The following PRKG1 variants were observed in gnomAD, a reference collection of about 807,000 sequenced individuals.
The protein encoded by PRKG1 is protein kinase cGMP-dependent 1.
Under a neutral mutation model 88.1 loss-of-function variants are expected in PRKG1, and 35 were observed. That is an observed-to-expected ratio of 0.40 (90% CI 0.30 to 0.53). The LOEUF is 0.53. Ranked by LOEUF, PRKG1 falls within the 20% of genes least tolerant of loss-of-function variation. The pLI is 0.59. For synonymous variants in PRKG1, 303 were observed against 292.5 expected, an observed-to-expected ratio of 1.04 and a Z score of -0.37; for missense variants, 540 against 839.8, an observed-to-expected ratio of 0.64 and a Z score of 4.41.
At position 51,589,397 on chromosome 10, in the gene PRKG1, G is replaced by T. The variant is rs563926698; in HGVS notation, c.592+121561G>T. The stretch of plus-strand genomic sequence containing the variant: ...CCAGCACTTTGGGAGGCTGAGGAGG[G>T]TGTATCACCTGAGGTCAGGTTTTTG... On this transcript the variant is annotated intron_variant, in intron 3 of 17. Coordinates refer to ENST00000373980, the MANE Select transcript of PRKG1 (RefSeq NM_006258.4). Among the ~76,000 whole-genome samples, 8 of 152,294 alleles carry T rather than the reference G, an allele frequency of 5.3e-5. No homozygotes were observed. The East Asian group carries it at 9.6e-4, about 18-fold the overall frequency.
intron 3 of PRKG1, among the ~76,000 whole-genome samples, chr10:51,534,597 G>A: frequency 6.7e-6 from 1 of 148,488 alleles, no homozygotes; most frequent in East Asian, 2.0e-4. Flanking sequence ...AACCCAGGAG[G>A]CAGAGCTTGC....
chr10:51,294,789 A>T (rs928552321), intron 2 of PRKG1, among the ~76,000 whole-genome samples: 7 of 152,122 alleles, frequency 4.6e-5, no homozygotes, highest in African/African-American at 1.4e-4. Flanking sequence ...TATTGCTTTG[A>T]GAGGCCAGGC....
chr10:51,867,246 G>A (rs1378705983), intron 4 of PRKG1, among the ~76,000 whole-genome samples: 1 of 152,176 alleles, frequency 6.6e-6, no homozygotes, highest in Non-Finnish European at 1.5e-5. Context: ...GCAGGTGGAA[G>A]TACCTTGGAG....
chr10:51,713,402 A>G (rs893973523), intron 3 of PRKG1, among the ~76,000 whole-genome samples: 2 of 152,230 alleles, frequency 1.3e-5, no homozygotes, highest in Admixed American at 6.5e-5. Context: ...TTTAGCTAAT[A>G]TATTATTTTG....
intron 9 of PRKG1, among the ~76,000 whole-genome samples, chr10:52,247,773 TGTCTC>T (rs1426114284): frequency 6.6e-6 from 1 of 152,148 alleles, no homozygotes; most frequent in African/African-American, 2.4e-5. Context: ...ATGTGACTCT[TGTCTC>T]TAAAAATAAT....
intron 9 of PRKG1, among the ~76,000 whole-genome samples, chr10:52,181,038 A>G (rs1208044332): frequency 1.3e-5 from 2 of 152,166 alleles, no homozygotes; most frequent in Non-Finnish European, 2.9e-5. Flanking sequence ...GTGTGTGTCT[A>G]TCAGGGGCAG....
intron 2 of PRKG1, among the ~76,000 whole-genome samples, chr10:51,454,665 G>A (rs936926498): frequency 6.6e-6 from 1 of 152,142 alleles, no homozygotes; most frequent in African/African-American, 2.4e-5. Flanking sequence ...CATGATGGCA[G>A]GCAAGAGAAA....
At chr10:51,794,541 A>G (rs1589292710) in intron 3 of PRKG1, among the ~76,000 whole-genome samples, 1 of 152,136 alleles carries the variant, frequency 6.6e-6, no homozygotes, top group Non-Finnish European at 1.5e-5. Context: ...TCATTTTTCT[A>G]CTGTAGTTAT....
chr10:51,145,654 A>G (rs1267575498), intron 1 of PRKG1, among the ~76,000 whole-genome samples: 1 of 152,146 alleles, frequency 6.6e-6, no homozygotes, highest in Non-Finnish European at 1.5e-5. Flanking sequence ...TGAATAGTTG[A>G]ATGGGAGACT....
chr10:52,092,485 G>A (rs1407618255), intron 7 of PRKG1, among the ~76,000 whole-genome samples: 1 of 152,056 alleles, frequency 6.6e-6, no homozygotes, highest in Non-Finnish European at 1.5e-5. Context: ...TGTGGAAGCT[G>A]CTGATATTCT....
intron 7 of PRKG1, among the ~76,000 whole-genome samples, chr10:52,092,019 C>T (rs1220659179): frequency 2.0e-5 from 3 of 152,160 alleles, no homozygotes; most frequent in Non-Finnish European, 4.4e-5. Flanking sequence ...GGGTTACCAG[C>T]GTTTCCTTCT....
rs57976647 is a variant in PRKG1 at position 51,032,804 on chromosome 10, A to G, written c.266+41160A>G. On this transcript the variant is annotated intron_variant, in intron 1 of 17. Transcript: ENST00000401604. ...TTTTGGGGTATGTGTATGTGTGCATATGTGTGTTTATTCTAAGCTTTCTTA... is the reference window on the plus strand; with the variant it reads ...TTTTGGGGTATGTGTATGTGTGCATGTGTGTGTTTATTCTAAGCTTTCTTA... 1.6e-3 allele frequency among the ~76,000 whole-genome samples: 243 copies of G among 152,134 alleles called. 1 individual carries two copies. The highest frequency in any genetic ancestry group is 5.8e-3 in the African/African-American group (240 of 41,524).
chr10:51,675,490 T>G (rs1273384571), intron 3 of PRKG1, among the ~76,000 whole-genome samples: 1 of 152,124 alleles, frequency 6.6e-6, no homozygotes, highest in Non-Finnish European at 1.5e-5. Flanking sequence ...AAAATAAGAT[T>G]CCCTTTCAGG....
At chr10:51,788,340 A>G (rs1329634790) in intron 3 of PRKG1, among the ~76,000 whole-genome samples, 1 of 152,178 alleles carries the variant, frequency 6.6e-6, no homozygotes, top group Admixed American at 6.5e-5. Flanking sequence ...TGTCTTCCAG[A>G]CTAGAAAAAT....
chr10:52,104,955 A>T (rs1016806238), intron 7 of PRKG1, among the ~76,000 whole-genome samples: 1 of 152,202 alleles, frequency 6.6e-6, no homozygotes, highest in African/African-American at 2.4e-5. Context: ...TTTCAATTTC[A>T]TTTGACTAGA....
At chr10:52,123,700 G>C (rs1187429506) in intron 7 of PRKG1, among the ~76,000 whole-genome samples, 2 of 152,010 alleles carry the variant, frequency 1.3e-5, no homozygotes, top group East Asian at 3.9e-4. Flanking sequence ...ATCAGTATAG[G>C]TACTCCAAAA....
chr10:50,995,675 A>G (rs964112793), intron 1 of PRKG1, among the ~76,000 whole-genome samples: 2 of 152,168 alleles, frequency 1.3e-5, no homozygotes, highest in Admixed American at 1.3e-4. Context: ...CTCTTTTTGC[A>G]TACACCCAAA....
chr10:51,474,413 G>A (rs532526392), intron 3 of PRKG1, among the ~76,000 whole-genome samples: 1 of 152,004 alleles, frequency 6.6e-6, no homozygotes, highest in South Asian at 2.1e-4. Flanking sequence ...TTAAATATTA[G>A]CACTTGGACC....
chr10:51,349,835 C>T (rs1842201927), intron 2 of PRKG1, among the ~76,000 whole-genome samples: 1 of 151,980 alleles, frequency 6.6e-6, no homozygotes, highest in Non-Finnish European at 1.5e-5. Flanking sequence ...GCTGAGTACA[C>T]ATTCTCTCTA....
Sources: gnomAD v4.1 joint callset for allele counts (sites outside exome capture counted in the v4.1 genomes callset) on GRCh38, gnomAD v4.1.1 for gene constraint, MANE v1.5 for transcripts, NCBI Gene and HGNC (gene_info 2026-07-23, HGNC 2026-07-21) for gene names.